The following FGL2 variants were observed in gnomAD, a reference collection of about 807,000 sequenced individuals.
FGL2 encodes fibrinogen like 2.
A neutral mutation model predicts 36.0 loss-of-function variants in FGL2; 21 were observed. The observed-to-expected ratio is 0.58, with a 90% CI of 0.41 to 0.84. The LOEUF is 0.84. Among genes scored for constraint, FGL2 ranks in the 40% least tolerant of loss-of-function variants. The probability of loss-of-function intolerance (pLI) is 0.00; values close to 1 mark genes in which losing one functional copy is unlikely to be tolerated. For missense variants in FGL2, 444 were observed against 526.3 expected, an observed-to-expected ratio of 0.84 and a Z score of 1.53; for synonymous variants, 183 against 190.7, an observed-to-expected ratio of 0.96 and a Z score of 0.33.
rs763885426 is a variant in FGL2 at position 77,199,588 on chromosome 7, G to A, written c.206C>T (p.Pro69Leu). ...VSLPPLTIQL[P>L]KQFSRIEEVF... ...CTCCTCGATCCTGCTGAATTGCTTCGGGAGCTGAATAGTCAAGGGGGGCAG... is the reference window on the plus strand; with the variant it reads ...CTCCTCGATCCTGCTGAATTGCTTCAGGAGCTGAATAGTCAAGGGGGGCAG... Residue 69 changes from proline (P) to leucine (L), a missense_variant, in exon 1 of 2, where the codon CCG becomes CTG. Pro to Leu is a moderately conservative substitution (Grantham distance 98). Transcript: ENST00000248598. 5 of 1,614,090 alleles carry A rather than the reference G, an allele frequency of 3.1e-6. No individual in the cohort carries two copies. The highest frequency in any genetic ancestry group is 2.2e-5 in the East Asian group (1 of 44,886).
rs144710848 is a variant in FGL2, at chr7:77,199,437, T to C, written c.357A>G (p.Thr119=). The change falls in exon 1 of 2, where the codon ACA becomes ACG. Residue 119 remains threonine (T), a synonymous_variant. Coordinates refer to ENST00000248598, the MANE Select transcript of FGL2 (RefSeq NM_006682.3). ...TATCACCAACCTCTCCCGGGGCTCC[T>C]GTACTGGGTAACAACAGTCCGTTTC... ...PGRNGLLLPS[T]GAPGEVGDNR... 5 of 1,614,176 alleles carry C rather than the reference T, an allele frequency of 3.1e-6. No individual in the cohort carries two copies. The African/African-American group carries it at 5.3e-5, about 17-fold the overall frequency.
chr7:77,197,528 G>A (rs1199021081), intron 1 of FGL2, among the ~76,000 whole-genome samples: 1 of 152,186 alleles, frequency 6.6e-6, no homozygotes, highest in African/African-American at 2.4e-5. Flanking sequence ...CTAAAAATCA[G>A]ATGATTCTAA....
At chr7:77,197,541 C>T (rs1791897648) in intron 1 of FGL2, among the ~76,000 whole-genome samples, 2 of 152,216 alleles carry the variant, frequency 1.3e-5, no homozygotes, top group African/African-American at 4.8e-5. Flanking sequence ...GATTCTAACT[C>T]TCCTAGAACT....
Position 77,195,955 on chromosome 7 carries a change from C to T in FGL2, c.*324G>A. ...TACAGGCGTGAGCTACCACACCCAG[C>T]CAACAATTATTTTTTAAATACAGCA... On this transcript the variant is annotated 3_prime_UTR_variant, in exon 2 of 2. Coordinates refer to ENST00000248598, the MANE Select transcript of FGL2 (RefSeq NM_006682.3). The T allele has an allele frequency of 4.4e-6, 1 of 227,634 alleles. No individual in the cohort carries two copies. The highest frequency in any genetic ancestry group is 1.0e-4 in the East Asian group (1 of 9,814). 14.1% of individuals were successfully genotyped at this position (227,634 alleles called of 1,614,324 possible).
In FGL2 at chr7:77,196,363, A is replaced by G; in HGVS notation, c.1236T>C (p.Gly412=). Reference sequence around the variant, plus strand: ...AGCCACCAGGGTGTGCCTCACTTACACCAGGCCAGGTACCCCAGAAAATCC... The same window carrying G: ...AGCCACCAGGGTGTGCCTCACTTACGCCAGGCCAGGTACCCCAGAAAATCC... The part of the protein sequence containing the change: ...RNGIFWGTWP[G]VSEAHPGGYK... The change falls in exon 2 of 2, where the codon GGT becomes GGC. Residue 412 remains glycine, a synonymous_variant. Transcript: ENST00000248598. The surrounding 1 kb of genome is among the most constrained non-coding windows in gnomAD (Gnocchi z 4.2). 6.2e-7 allele frequency: 1 copy of G among 1,614,086 alleles called. No homozygotes were observed. The highest frequency in any genetic ancestry group is 2.2e-5 in the East Asian group (1 of 44,846).
chr7:77,198,246 A>G, intron 1 of FGL2: 3 of 985,436 alleles, frequency 3.0e-6, no homozygotes, highest in Non-Finnish European at 3.6e-6. Flanking sequence ...TGCCCTGGGG[A>G]TGGAGCATGC....
chr7:77,196,471 A>G lies in FGL2; in HGVS notation c.1128T>C (p.Ser376=). ...YPSGNCGLYY[S]SGWWFDACLS... is the part of the protein sequence containing the mutation. ...GACATGCATCAAACCACCAGCCTGA[A>G]CTGTAGTACAGCCCACAGTTCCCAG... is the stretch of plus-strand genomic sequence containing the variant. The change falls in exon 2 of 2, where the codon AGT becomes AGC. Residue 376 remains serine, a synonymous_variant. Transcript: ENST00000248598. This position sits in a 1 kb window ranked among gnomAD's most constrained non-coding sequence, Gnocchi z 4.2. The G allele has an allele frequency of 1.2e-6, 2 of 1,614,154 alleles. No homozygotes were observed. The highest frequency in any genetic ancestry group is 8.5e-7 in the Non-Finnish European group (1 of 1,180,022).
chr7:77,194,602 T>A lies in FGL2; in HGVS notation c.*1677A>T, dbSNP rs1338760553. On this transcript the variant is annotated 3_prime_UTR_variant, in exon 2 of 2. Transcript: ENST00000248598. ...CCTAATATTTGAAAAATTAGCTTGTTACCTGAAGCAACTATCCTCCTTAAT... is the reference window on the plus strand; with the variant it reads ...CCTAATATTTGAAAAATTAGCTTGTAACCTGAAGCAACTATCCTCCTTAAT... 1.3e-5 allele frequency: 2 copies of A among 152,130 alleles called. No homozygotes were observed. The highest frequency in any genetic ancestry group is 2.9e-5 in the Non-Finnish European group (2 of 67,932). The allele number at this position is 152,130 out of a possible 1,614,324, so 9.4% of individuals were successfully genotyped here.
intron 1 of FGL2, among the ~76,000 whole-genome samples, chr7:77,197,745 A>G (rs1280531926): frequency 6.6e-6 from 1 of 152,232 alleles, no homozygotes; most frequent in African/African-American, 2.4e-5. Context: ...AAAAAGAAGT[A>G]TCTTTTTCAA....
chr7:77,196,904 TC>T lies in FGL2; in HGVS notation c.694del (p.Asp232IlefsTer61). On this transcript the variant is annotated frameshift_variant, in exon 2 of 2. Coordinates refer to ENST00000248598, the MANE Select transcript of FGL2 (RefSeq NM_006682.3). LOFTEE classifies it high-confidence loss of function. The surrounding 1 kb of genome is among the most constrained non-coding windows in gnomAD (Gnocchi z 4.2). ...RSSETYRVTP[D>X]PKNSSFEVYC... ...AACTTCAAAGCTACTATTTTTGGGA[TC>T]AGGTGTAACTCTGTAGGTCTCACTG... 1 of 1,614,042 alleles carries T rather than the reference TC, an allele frequency of 6.2e-7. No individual in the cohort carries two copies. Among genetic ancestry groups the T allele is most frequent in the Non-Finnish European group, 8.5e-7 (1 of 1,179,968 alleles).
rs1791808523 is a variant in FGL2 at position 77,193,499 on chromosome 7, CA to C, written c.*2779del. ...ATACATAAAAGAAAAGAATTTTAAA[CA>C]AGAGCTTATTGTGATGACATTACTC... On this transcript the variant is annotated 3_prime_UTR_variant, in exon 2 of 2. Coordinates refer to ENST00000248598, the MANE Select transcript of FGL2 (RefSeq NM_006682.3). The C allele has an allele frequency of 6.6e-6, 1 of 152,088 alleles. No individual in the cohort carries two copies. The highest frequency in any genetic ancestry group is 2.4e-5 in the African/African-American group (1 of 41,398). 9.4% of individuals were successfully genotyped at this position (152,088 alleles called of 1,614,324 possible). A position where few individuals can be genotyped will look rare whatever the true frequency, so the allele number is the denominator to read the frequency against.
chr7:77,199,438 G>A lies in FGL2; in HGVS notation c.356C>T (p.Thr119Ile). ...ATCACCAACCTCTCCCGGGGCTCCTGTACTGGGTAACAACAGTCCGTTTCT... is the reference window on the plus strand; with the variant it reads ...ATCACCAACCTCTCCCGGGGCTCCTATACTGGGTAACAACAGTCCGTTTCT... ...PGRNGLLLPSTGAPGEVGDNR... is the reference protein window; with the variant it reads ...PGRNGLLLPSIGAPGEVGDNR... Residue 119 changes from threonine (T) to isoleucine (I), a missense_variant, in exon 1 of 2, where the codon ACA (threonine) becomes ATA (isoleucine). Transcript: ENST00000248598. The A allele has an allele frequency of 1.2e-6, 2 of 1,614,128 alleles. No homozygotes were observed. Among genetic ancestry groups the A allele is most frequent in the Non-Finnish European group, 1.7e-6 (2 of 1,180,038 alleles).
rs1344287766 is a variant in FGL2 at position 77,199,275 on chromosome 7, A to C, written c.519T>G (p.Val173=). Residue 173 remains valine (V), a synonymous_variant, in exon 1 of 2, where the codon GTT becomes GTG. Coordinates refer to ENST00000248598, the MANE Select transcript of FGL2 (RefSeq NM_006682.3). ...LVNMNNIENY[V]DSKVANLTFV... Reference sequence around the variant, plus strand: ...ATGTTAGATTTGCCACTTTGCTGTCAACATAATTTTCTATGTTGTTCATAT... The same window carrying C: ...ATGTTAGATTTGCCACTTTGCTGTCCACATAATTTTCTATGTTGTTCATAT... 1 of 1,614,118 alleles carries C rather than the reference A, an allele frequency of 6.2e-7. No homozygotes were observed. Among genetic ancestry groups the C allele is most frequent in the South Asian group, 1.1e-5 (1 of 91,086 alleles).
At chr7:77,198,880 A>G (rs1791925188) in intron 1 of FGL2, 2 of 432,670 alleles carry the variant, frequency 4.6e-6, no homozygotes, top group Non-Finnish European at 8.2e-6. Context: ...GACAAGTTAA[A>G]TGCACTAAAA....
At chr7:77,198,202 T>C in intron 1 of FGL2, 1 of 985,444 alleles carries the variant, frequency 1.0e-6, no homozygotes. Flanking sequence ...TAGAGGTCCT[T>C]GAAAATATGA....
Position 77,193,905 on chromosome 7 carries a change from C to A in FGL2, c.*2374G>T, listed in dbSNP as rs921569633. 3.3e-5 allele frequency: 5 copies of A among 152,386 alleles called. No homozygotes were observed. Among genetic ancestry groups the A allele is most frequent in the Non-Finnish European group, 5.9e-5 (4 of 67,940 alleles). 9.4% of individuals were successfully genotyped at this position (152,386 alleles called of 1,614,324 possible). On this transcript the variant is annotated 3_prime_UTR_variant, in exon 2 of 2. Coordinates refer to ENST00000248598, the MANE Select transcript of FGL2 (RefSeq NM_006682.3). ...AGCATATATTGGTGAATAGTTAAGG[C>A]AAAAGGTTCTAGCAGATGTAATCTA... is the stretch of plus-strand genomic sequence containing the variant.
intron 1 of FGL2, chr7:77,198,280 A>G (rs1053562706): frequency 7.1e-6 from 7 of 985,428 alleles, no homozygotes; most frequent in African/African-American, 7.0e-5. Context: ...TCTAAATGAA[A>G]GTGATCTCCG....
In FGL2 at chr7:77,196,729, A is replaced by G; in HGVS notation, c.870T>C (p.His290=). The part of the protein sequence containing the change: ...REFWLGNDKI[H]LLTKSKEMIL... ...TCATTTCCTTACTCTTGGTCAGAAG[A>G]TGAATTTTATCGTTCCCCAGCCAAA... Residue 290 remains histidine, a synonymous_variant, in exon 2 of 2, where the codon CAT becomes CAC. Transcript: ENST00000248598. This position sits in a 1 kb window ranked among gnomAD's most constrained non-coding sequence, Gnocchi z 4.2. 6.2e-7 allele frequency: 1 copy of G among 1,614,162 alleles called. No homozygotes were observed. Among genetic ancestry groups the G allele is most frequent in the Non-Finnish European group, 8.5e-7 (1 of 1,180,008 alleles).
chr7:77,196,460 C>T lies in FGL2; in HGVS notation c.1139G>A (p.Trp380Ter). The T allele has an allele frequency of 6.2e-7, 1 of 1,614,116 alleles. No individual in the cohort carries two copies. The highest frequency in any genetic ancestry group is 1.1e-5 in the South Asian group (1 of 91,080). ...GTTTGCAGAAAGACATGCATCAAAC[C>T]ACCAGCCTGAACTGTAGTACAGCCC... The part of the protein sequence containing the change: ...NCGLYYSSGW[W>*]FDACLSANLN... The change falls in exon 2 of 2, where the codon TGG becomes TAG. Residue 380 changes from tryptophan to a stop codon, truncating the protein, a stop_gained. Transcript: ENST00000248598. LOFTEE classifies it high-confidence loss of function. The surrounding 1 kb of genome is among the most constrained non-coding windows in gnomAD (Gnocchi z 4.2).
Sources: gnomAD v4.1 joint callset for allele counts (sites outside exome capture counted in the v4.1 genomes callset) on GRCh38, gnomAD v4.1.1 for gene constraint, Gnocchi (gnomAD v3.1) non-coding constraint, MANE v1.5 for transcripts, NCBI Gene and HGNC (gene_info 2026-07-23, HGNC 2026-07-21) for gene names.